PALS1: variants seen among roughly 807,000 people sequenced by gnomAD.
PALS1 encodes protein associated with LIN7 1, MAGUK p55 family member.
PALS1 carries 31 observed loss-of-function variants against 78.9 expected under a neutral mutation model. The ratio of observed to expected loss-of-function variants is 0.39; its 90% CI spans 0.30 to 0.53. The LOEUF (loss-of-function observed/expected upper bound fraction) is 0.53, where lower values mean the gene tolerates loss of function less well. Among genes scored for constraint, PALS1 ranks in the 20% least tolerant of loss-of-function variants. The pLI is 0.67. For missense variants in PALS1, 704 were observed against 826.5 expected (o/e 0.85, Z 1.82); for synonymous variants, 276 against 270.9 (o/e 1.02, Z -0.18).
chr14:67,257,718 G>A (rs995784738), intron 1 of PALS1, among the ~76,000 whole-genome samples: 3 of 151,820 alleles, frequency 2.0e-5, no homozygotes, highest in Non-Finnish European at 4.4e-5. Context: ...GAAATATGAA[G>A]GTAAGTTTAA....
rs533149431 is a variant in PALS1, at chr14:67,277,241, C to T, written c.-153-1777C>T. Among the ~76,000 whole-genome samples, 6 of 152,174 alleles carry T rather than the reference C, an allele frequency of 3.9e-5. No individual in the cohort carries two copies. In the East Asian group the frequency reaches 1.2e-3, roughly 29 times the overall value. ...AGTCTAATGGTAAATAAGGTGCTTA[C>T]GTGTAGATCACAGTTAGAAAGAAGT... On this transcript the variant is annotated intron_variant, in intron 2 of 14. Coordinates refer to ENST00000261681, the MANE Select transcript of PALS1 (RefSeq NM_022474.4).
chr14:67,270,241 G>T (rs1428691108), intron 2 of PALS1: 2 of 152,022 alleles, frequency 1.3e-5, no homozygotes, highest in African/African-American at 4.8e-5. Context: ...CCCTTCTCCC[G>T]CAACTAAAAC....
chr14:67,314,909 A>G (rs183333708), intron 9 of PALS1, among the ~76,000 whole-genome samples: 23 of 152,178 alleles, frequency 1.5e-4, no homozygotes, highest in Admixed American at 1.4e-3. Context: ...TGGGCCACAT[A>G]GTGGCATAGC....
At chr14:67,320,514 G>A (rs2085247227) in intron 12 of PALS1, 117 bp downstream of exon 12, 3 of 968,046 alleles carry the variant, frequency 3.1e-6, no homozygotes, top group African/African-American at 1.7e-5. Flanking sequence ...GTCAGTGAAA[G>A]AGGAACTTTA....
At chr14:67,302,664 C>T in intron 7 of PALS1, 93 bp downstream of exon 7, 2 of 981,424 alleles carry the variant, frequency 2.0e-6, no homozygotes, top group Non-Finnish European at 2.8e-6. Flanking sequence ...CTGTTAAGAG[C>T]ACTAGATGAT....
At chr14:67,260,824 G>A (rs765129661) in intron 1 of PALS1, among the ~76,000 whole-genome samples, 32 of 152,094 alleles carry the variant, frequency 2.1e-4, no homozygotes, top group Non-Finnish European at 3.8e-4. Context: ...AAAGGAGGTG[G>A]GAAATTGCAG....
chr14:67,303,473 G>T, intron 7 of PALS1, 49 bp from the exon 8 acceptor site: 2 of 1,406,840 alleles, frequency 1.4e-6, no homozygotes, highest in South Asian at 2.3e-5. Context: ...ATCATGGAAT[G>T]ATTTTCATAA....
At chr14:67,277,461 T>C (rs1055746939) in intron 2 of PALS1, among the ~76,000 whole-genome samples, 7 of 152,204 alleles carry the variant, frequency 4.6e-5, no homozygotes, top group African/African-American at 1.7e-4. Context: ...TGAGAAAAGA[T>C]TGGCTGGTAT....
chr14:67,264,430 T>G (rs1230478012), intron 1 of PALS1, among the ~76,000 whole-genome samples: 1 of 151,294 alleles, frequency 6.6e-6, no homozygotes, highest in Non-Finnish European at 1.5e-5. Context: ...GGGGTCAAAT[T>G]AAAAAAAATC....
intron 11 of PALS1, among the ~76,000 whole-genome samples, chr14:67,317,962 C>T (rs2085203657): frequency 6.6e-6 from 1 of 152,146 alleles, no homozygotes; most frequent in African/African-American, 2.4e-5. Context: ...GCTAGTATTC[C>T]TAGGTGACAA....
At chr14:67,279,889 C>G in intron 3 of PALS1, 1 of 221,790 alleles carries the variant, frequency 4.5e-6, no homozygotes. Context: ...TTCTGATTTC[C>G]TTAAAGTTTT....
intron 1 of PALS1, among the ~76,000 whole-genome samples, chr14:67,247,131 C>CTGAAGATAAT (rs2083999990): frequency 1.3e-5 from 2 of 152,150 alleles, no homozygotes; most frequent in African/African-American, 4.8e-5. Context: ...AGAGATCAAC[C>CTGAAGATAAT]TGAAGATAAT....
chr14:67,309,860 G>C (rs1595605504), intron 8 of PALS1, among the ~76,000 whole-genome samples: 1 of 152,078 alleles, frequency 6.6e-6, no homozygotes, highest in African/African-American at 2.4e-5. Context: ...TACTGGGTAG[G>C]CTTTCAGAAA....
chr14:67,274,047 G>A lies in PALS1; in HGVS notation c.-154+4264G>A, dbSNP rs1022723456. Among the ~76,000 whole-genome samples, 5 of 152,100 alleles carry A rather than the reference G, an allele frequency of 3.3e-5. No homozygotes were observed. In the South Asian group the frequency reaches 6.2e-4, roughly 19 times the overall value. ...GCCCTTTGTCAGATGGGTAGACGGTGAAAATTTTCTCCCATTCTGTAGGTT... is the reference window on the plus strand; with the variant it reads ...GCCCTTTGTCAGATGGGTAGACGGTAAAAATTTTCTCCCATTCTGTAGGTT... On this transcript the variant is annotated intron_variant, in intron 2 of 14. Coordinates refer to ENST00000261681, the MANE Select transcript of PALS1 (RefSeq NM_022474.4).
At chr14:67,272,295 C>CT (rs2084421100) in intron 2 of PALS1, among the ~76,000 whole-genome samples, 1 of 152,156 alleles carries the variant, frequency 6.6e-6, no homozygotes, top group Non-Finnish European at 1.5e-5. Flanking sequence ...CTTATTTGTA[C>CT]TTTCCCCTCA....
At chr14:67,320,185 A>G (rs1186450766) in intron 11 of PALS1, 45 bp from the exon 12 acceptor site, 18 of 1,574,304 alleles carry the variant, frequency 1.1e-5, no homozygotes, top group Admixed American at 5.6e-5. Context: ...TCTTTAATAC[A>G]TGGCCATAAT....
intron 2 of PALS1, among the ~76,000 whole-genome samples, chr14:67,274,044 G>A (rs1009794647): frequency 2.0e-5 from 3 of 151,964 alleles, no homozygotes; most frequent in Non-Finnish European, 4.4e-5. Context: ...ATGGGTAGAC[G>A]GTGAAAATTT....
At chr14:67,305,118 C>A (rs1279854959) in intron 8 of PALS1, among the ~76,000 whole-genome samples, 1 of 152,060 alleles carries the variant, frequency 6.6e-6, no homozygotes, top group Non-Finnish European at 1.5e-5. Flanking sequence ...TGTGCTGTTC[C>A]CTGTATCTCT....
chr14:67,279,408 G>C lies in PALS1; in HGVS notation c.238G>C (p.Asp80His), dbSNP rs534333974. The change falls in exon 3 of 15, where the codon GAC (aspartate) becomes CAC (histidine). Residue 80 changes from aspartate (D) to histidine (H), a missense_variant. Physicochemically the swap from Asp to His is moderately conservative, Grantham distance 81 (BLOSUM62 -1). Transcript: ENST00000261681. The stretch of plus-strand genomic sequence containing the variant: ...GGAAGAAGGGAAAAAGCAAGAACTT[G>C]ACCTTAATTCTTCCATGAGACTTAA... The part of the protein sequence containing the change: ...REEEGKKQEL[D>H]LNSSMRLKKL... 6.2e-7 allele frequency: 1 copy of C among 1,613,960 alleles called. No individual in the cohort carries two copies. Among genetic ancestry groups the C allele is most frequent in the East Asian group, 2.2e-5 (1 of 44,874 alleles).
Sources: gnomAD v4.1 joint callset for allele counts (sites outside exome capture counted in the v4.1 genomes callset) on GRCh38, gnomAD v4.1.1 for gene constraint, MANE v1.5 for transcripts, NCBI Gene and HGNC (gene_info 2026-07-23, HGNC 2026-07-21) for gene names.